The following CDC14A variants were observed in gnomAD, a reference collection of about 807,000 sequenced individuals.
CDC14A encodes the protein dual specificity protein phosphatase CDC14A.
In CDC14A, 53 loss-of-function variants were observed where a neutral mutation model predicts 74.4. The observed-to-expected ratio is 0.71, with a 90% CI of 0.57 to 0.89. CDC14A has a LOEUF of 0.89. Ranked by LOEUF, CDC14A falls within the 40% of genes least tolerant of loss-of-function variation. The pLI is 0.00. For missense variants in CDC14A, 646 were observed against 713.7 expected (o/e 0.91, Z 1.08); for synonymous variants, 247 against 258.4 (o/e 0.96, Z 0.43).
At chr1:100,452,580 G>A (rs138353829) in intron 7 of CDC14A, among the ~76,000 whole-genome samples, 9 of 152,332 alleles carry the variant, frequency 5.9e-5, no homozygotes, top group African/African-American at 1.7e-4. Flanking sequence ...CACCAGGAGA[G>A]TGAGTTATTC....
chr1:100,364,743 T>C (rs1570962307), intron 2 of CDC14A, among the ~76,000 whole-genome samples: 1 of 152,358 alleles, frequency 6.6e-6, no homozygotes, highest in East Asian at 1.9e-4. Context: ...GAATTTTAAT[T>C]TTCCCAGTGC....
In CDC14A at chr1:100,462,812, G is replaced by T; in HGVS notation, c.769G>T (p.Asp257Tyr). 6.2e-7 allele frequency: 1 copy of T among 1,614,074 alleles called. No homozygotes were observed. The highest frequency in any genetic ancestry group is 1.1e-5 in the South Asian group (1 of 91,064). Residue 257 changes from aspartate to tyrosine, a missense_variant, in exon 9 of 16, where the codon GAC (aspartate) becomes TAC (tyrosine). Asp to Tyr is a radical substitution (Grantham distance 160, BLOSUM62 -3). Transcript: ENST00000336454. ...LFFIDGSTPS[D>Y]NIVRRFLNIC... ...CTTCATAGATGGCAGCACACCCAGT[G>T]ACAACATCGTGCGAAGGTTCCTGAA... is the stretch of plus-strand genomic sequence containing the variant.
intron 14 of CDC14A, 56 bp from the exon 15 acceptor site, chr1:100,498,873 G>A (rs755499564): frequency 2.2e-5 from 34 of 1,554,482 alleles, no homozygotes; most frequent in Non-Finnish European, 3.0e-5. Flanking sequence ...CGTGAGCTCT[G>A]TGTGATTGTA....
At chr1:100,467,580 T>G (rs531456230) in intron 9 of CDC14A, among the ~76,000 whole-genome samples, 1 of 152,248 alleles carries the variant, frequency 6.6e-6, no homozygotes, top group African/African-American at 2.4e-5. Context: ...ACATCTTTGT[T>G]GCAGTTGCTC....
chr1:100,398,925 T>C (rs1658900722), intron 4 of CDC14A, among the ~76,000 whole-genome samples: 1 of 152,042 alleles, frequency 6.6e-6, no homozygotes, highest in Non-Finnish European at 1.5e-5. Context: ...GAGAATAGCA[T>C]GAAGGTGATG....
intron 15 of CDC14A, among the ~76,000 whole-genome samples, chr1:100,515,396 T>G (rs1650117158): frequency 6.6e-6 from 1 of 151,840 alleles, no homozygotes; most frequent in Non-Finnish European, 1.5e-5. Flanking sequence ...CTTTTTTTTT[T>G]TTTTTGAGAC....
intron 4 of CDC14A, among the ~76,000 whole-genome samples, chr1:100,404,286 T>C (rs1659647525): frequency 6.6e-6 from 1 of 152,122 alleles, no homozygotes; most frequent in East Asian, 1.9e-4. Context: ...GTTGCCATGC[T>C]AAAAAACAGA....
At chr1:100,509,420 A>G (rs1315755604) in intron 15 of CDC14A, among the ~76,000 whole-genome samples, 1 of 152,114 alleles carries the variant, frequency 6.6e-6, no homozygotes, top group Non-Finnish European at 1.5e-5. Flanking sequence ...TATTTTTGTT[A>G]TCTCCAAAGC....
intron 2 of CDC14A, among the ~76,000 whole-genome samples, chr1:100,375,258 T>C (rs1655076233): frequency 6.6e-6 from 1 of 152,200 alleles, no homozygotes; most frequent in African/African-American, 2.4e-5. Flanking sequence ...GGAATGGACA[T>C]GTTTGTTGGA....
Position 100,484,413 on chromosome 1 carries a change from A to G in CDC14A, c.1099A>G (p.Asn367Asp), listed in dbSNP as rs1669826438. ...SGLDDMSIGGNLSKTQNMERF... is the reference protein window; with the variant it reads ...SGLDDMSIGGDLSKTQNMERF... Reference sequence around the variant, plus strand: ...CCTAGATGATATGTCTATTGGTGGAAATCTTTCAAAAACACAAAACATGGA... The same window carrying G: ...CCTAGATGATATGTCTATTGGTGGAGATCTTTCAAAAACACAAAACATGGA... The change falls in exon 11 of 16, where the codon AAT (asparagine) becomes GAT (aspartate). Residue 367 changes from asparagine (N) to aspartate (D), a missense_variant. Asn to Asp is a conservative substitution (Grantham distance 23). Transcript: ENST00000336454. 2 of 1,606,476 alleles carry G rather than the reference A, an allele frequency of 1.2e-6. No individual in the cohort carries two copies. The highest frequency in any genetic ancestry group is 2.7e-5 in the African/African-American group (2 of 74,440).
At chr1:100,445,249 C>T (rs995422249) in intron 7 of CDC14A, among the ~76,000 whole-genome samples, 5 of 152,168 alleles carry the variant, frequency 3.3e-5, no homozygotes, top group African/African-American at 1.2e-4. Flanking sequence ...TAGGTGTCTA[C>T]ATTATATGAC....
chr1:100,464,127 C>T (rs1450212692), intron 9 of CDC14A, among the ~76,000 whole-genome samples: 1 of 152,158 alleles, frequency 6.6e-6, no homozygotes, highest in Non-Finnish European at 1.5e-5. Context: ...ACTTTGTGAA[C>T]ATGTGAGCAA....
intron 8 of CDC14A, among the ~76,000 whole-genome samples, chr1:100,456,092 G>T (rs762505578): frequency 1.3e-5 from 2 of 152,150 alleles, no homozygotes; most frequent in African/African-American, 4.8e-5. Flanking sequence ...CCAGAGGAGG[G>T]CTCCTAAACA....
At chr1:100,349,707 G>C (rs1650745824), upstream of CDC14A, among the ~76,000 whole-genome samples, 1 of 152,196 alleles carries the variant, frequency 6.6e-6, no homozygotes, top group Non-Finnish European at 1.5e-5. Context: ...CACTGCTGGA[G>C]TGCAGTGGCA....
At chr1:100,363,684 C>T (rs1384319289) in intron 2 of CDC14A, among the ~76,000 whole-genome samples, 1 of 151,152 alleles carries the variant, frequency 6.6e-6, no homozygotes, top group Admixed American at 6.6e-5. Flanking sequence ...AAATTTGGTC[C>T]CCATGATTGA....
At chr1:100,471,289 G>C (rs1342728636) in intron 10 of CDC14A, among the ~76,000 whole-genome samples, 1 of 152,122 alleles carries the variant, frequency 6.6e-6, no homozygotes, top group African/African-American at 2.4e-5. Flanking sequence ...CCCCAAAAAA[G>C]CATGACAGAA....
chr1:100,513,562 G>C (rs895510194), intron 15 of CDC14A, among the ~76,000 whole-genome samples: 1 of 152,058 alleles, frequency 6.6e-6, no homozygotes, highest in East Asian at 1.9e-4. Context: ...TTAAGACATC[G>C]TTACATTCAT....
chr1:100,380,360 G>T (rs1655930571), intron 3 of CDC14A, among the ~76,000 whole-genome samples: 1 of 152,130 alleles, frequency 6.6e-6, no homozygotes, highest in South Asian at 2.1e-4. Context: ...TCCACCTTCA[G>T]TAGGAACCAT....
chr1:100,456,455 T>C (rs1329323711), intron 8 of CDC14A, among the ~76,000 whole-genome samples: 2 of 150,704 alleles, frequency 1.3e-5, no homozygotes, highest in Non-Finnish European at 2.9e-5. Flanking sequence ...TTCTATCTGA[T>C]CATAGAGGTG....
Sources: gnomAD v4.1 joint callset for allele counts (sites outside exome capture counted in the v4.1 genomes callset) on GRCh38, gnomAD v4.1.1 for gene constraint, MANE v1.5 for transcripts, NCBI Gene and HGNC (gene_info 2026-07-23, HGNC 2026-07-21) for gene names.